Variants in FSTL5 observed in about 807,000 individuals in gnomAD.
FSTL5 encodes follistatin-related protein 5.
In FSTL5, 62 loss-of-function variants were observed where a neutral mutation model predicts 89.1. That is an observed-to-expected ratio of 0.70 (90% CI 0.57 to 0.86). The LOEUF (loss-of-function observed/expected upper bound fraction) is 0.86. Ranked by LOEUF, FSTL5 falls within the 40% of genes least tolerant of loss-of-function variation. FSTL5 has a pLI of 0.00. For synonymous variants in FSTL5, 383 were observed against 346.2 expected, an observed-to-expected ratio of 1.11 and a Z score of -1.18; for missense variants, 1,057 against 1,001.6, an observed-to-expected ratio of 1.06 and a Z score of -0.75.
chr4:161,395,544 A>T (rs1054443751), intron 15 of FSTL5, among the ~76,000 whole-genome samples: 1 of 152,124 alleles, frequency 6.6e-6, no homozygotes, highest in Non-Finnish European at 1.5e-5. Flanking sequence ...ACATTTTATA[A>T]TTAGATTGGC....
chr4:161,814,829 A>T (rs908366981), intron 4 of FSTL5, among the ~76,000 whole-genome samples: 1 of 152,090 alleles, frequency 6.6e-6, no homozygotes, highest in Admixed American at 6.6e-5. Flanking sequence ...TTAATTCTCC[A>T]TGATGAGATA....
At chr4:162,127,983 G>T (rs1230495920) in intron 1 of FSTL5, among the ~76,000 whole-genome samples, 1 of 152,098 alleles carries the variant, frequency 6.6e-6, no homozygotes, top group African/African-American at 2.4e-5. Context: ...CAGTTGTACA[G>T]ATTTTCAAAA....
At chr4:161,596,607 T>C (rs17041216) in intron 7 of FSTL5, among the ~76,000 whole-genome samples, 26,249 of 152,100 alleles carry the variant, frequency 0.17, 2,366 homozygotes, top group Middle Eastern at 0.32. Flanking sequence ...AGCATAATAA[T>C]TTAGGAATAA....
chr4:161,775,938 T>C lies in FSTL5; in HGVS notation c.546A>G (p.Gln182=), dbSNP rs1741392432. The part of the protein sequence containing the change: ...DISRKKLLVD[Q]MFKYFDADSN... Reference sequence around the variant, plus strand: ...TGTCTGCATCAAAATATTTAAACATTTGATCCACCAATAGCTTCTTCCGAG... The same window carrying C: ...TGTCTGCATCAAAATATTTAAACATCTGATCCACCAATAGCTTCTTCCGAG... Residue 182 remains glutamine, a synonymous_variant, in exon 5 of 16, where the codon CAA becomes CAG. Coordinates refer to ENST00000306100, the MANE Select transcript of FSTL5 (RefSeq NM_020116.5). The C allele has an allele frequency of 6.2e-7, 1 of 1,606,630 alleles. No homozygotes were observed.
chr4:161,963,682 T>C (rs993653051), intron 3 of FSTL5, among the ~76,000 whole-genome samples: 1 of 151,994 alleles, frequency 6.6e-6, no homozygotes, highest in Non-Finnish European at 1.5e-5. Context: ...GATTTCTCTT[T>C]TACAAAAGTT....
At chr4:161,437,272 A>C (rs924496706) in intron 15 of FSTL5, among the ~76,000 whole-genome samples, 1 of 151,942 alleles carries the variant, frequency 6.6e-6, no homozygotes, top group Non-Finnish European at 1.5e-5. Context: ...AAAAGAAAGA[A>C]AATAAAACAA....
At chr4:161,519,424 G>C (rs1578893980) in intron 10 of FSTL5, among the ~76,000 whole-genome samples, 1 of 152,230 alleles carries the variant, frequency 6.6e-6, no homozygotes, top group East Asian at 1.9e-4. Context: ...TACTCGGGGG[G>C]CTGAGGCAGG....
At chr4:161,542,390 G>T (rs4634179) in intron 9 of FSTL5, 142 bp downstream of exon 9, 109,658 of 434,042 alleles carry the variant, frequency 0.25, 15,481 homozygotes, top group East Asian at 0.49. Flanking sequence ...TAATTTCTTA[G>T]ATATGAGCAT....
chr4:162,035,367 A>T (rs1737695490), intron 2 of FSTL5: 1 of 152,080 alleles, frequency 6.6e-6, no homozygotes, highest in Non-Finnish European at 1.5e-5. Flanking sequence ...AGCCACAGGG[A>T]TAAATTGATT....
At chr4:161,531,800 T>C (rs920623585) in intron 10 of FSTL5, among the ~76,000 whole-genome samples, 1 of 152,236 alleles carries the variant, frequency 6.6e-6, no homozygotes, top group African/African-American at 2.4e-5. Context: ...TGCCTATAGC[T>C]ATGCTATCAA....
chr4:162,039,285 A>G (rs1737859398), intron 2 of FSTL5, among the ~76,000 whole-genome samples: 1 of 151,852 alleles, frequency 6.6e-6, no homozygotes, highest in Non-Finnish European at 1.5e-5. Context: ...TATGGGAGTA[A>G]TCAGGAAAAA....
At chr4:161,434,855 A>G (rs1358001649) in intron 15 of FSTL5, among the ~76,000 whole-genome samples, 1 of 152,144 alleles carries the variant, frequency 6.6e-6, no homozygotes, top group Admixed American at 6.5e-5. Flanking sequence ...AGAAACGCAA[A>G]TCAACACTGC....
At chr4:161,404,773 C>T (rs921233462) in intron 15 of FSTL5, among the ~76,000 whole-genome samples, 3 of 149,706 alleles carry the variant, frequency 2.0e-5, no homozygotes, top group African/African-American at 7.4e-5. Flanking sequence ...AGTGTTTCTA[C>T]ATTATATATT....
At chr4:161,923,799 C>T (rs959603262) in intron 3 of FSTL5, among the ~76,000 whole-genome samples, 12 of 151,600 alleles carry the variant, frequency 7.9e-5, no homozygotes, top group African/African-American at 2.7e-4. Flanking sequence ...CTTAAAGCCT[C>T]TACACTAGTT....
At position 161,721,373 on chromosome 4, in the gene FSTL5, A is replaced by G. The variant is rs190937765; in HGVS notation, c.727+38038T>C. Among the ~76,000 whole-genome samples the G allele has an allele frequency of 9.2e-5, 14 of 151,894 alleles. No homozygotes were observed. The East Asian group carries it at 2.7e-3, about 29-fold the overall frequency. On this transcript the variant is annotated intron_variant, in intron 6 of 15. Coordinates refer to ENST00000306100, the MANE Select transcript of FSTL5 (RefSeq NM_020116.5). ...CACAAAAGGTTTTAAAAATGCTTAA[A>G]TAAATACAAATATATAAATAAAAGG...
At position 161,516,160 on chromosome 4, in the gene FSTL5, G is replaced by A. The variant is rs1730821482; in HGVS notation, c.1313-5736C>T. ...TATTAGTTTGGTTACCTGTGATATT[G>A]AATATATTTGGAAATATTTGGAGAA... is the stretch of plus-strand genomic sequence containing the variant. On this transcript the variant is annotated intron_variant, in intron 10 of 15. Coordinates refer to ENST00000306100, the MANE Select transcript of FSTL5 (RefSeq NM_020116.5). 2.0e-5 allele frequency among the ~76,000 whole-genome samples: 3 copies of A among 148,264 alleles called. No individual in the cohort carries two copies. The Admixed American group carries it at 2.0e-4, about 10-fold the overall frequency.
chr4:161,629,949 GC>G (rs1252468989), intron 7 of FSTL5, among the ~76,000 whole-genome samples: 1 of 152,160 alleles, frequency 6.6e-6, no homozygotes, highest in African/African-American at 2.4e-5. Context: ...GGACCTCCTG[GC>G]CGGCCATTCT....
intron 12 of FSTL5, among the ~76,000 whole-genome samples, chr4:161,486,159 A>AT (rs1174963030): frequency 2.5e-4 from 38 of 151,396 alleles, no homozygotes; most frequent in African/African-American, 8.5e-4. Context: ...AAAAAAAAAA[A>AT]AAAAAAGTAA....
intron 4 of FSTL5, among the ~76,000 whole-genome samples, chr4:161,830,879 G>A (rs1048200692): frequency 5.3e-5 from 8 of 151,868 alleles, no homozygotes; most frequent in African/African-American, 1.4e-4. Flanking sequence ...GAATTAGAAC[G>A]TATTGCCATC....
Sources: allele counts gnomAD v4.1 joint callset (sites outside exome capture counted in the v4.1 genomes callset), GRCh38; gene constraint gnomAD v4.1.1; transcripts MANE v1.5; gene names NCBI Gene and HGNC (gene_info 2026-07-23, HGNC 2026-07-21).